Variants in EPS15 observed in about 807,000 individuals in gnomAD.
The protein encoded by EPS15 is epidermal growth factor receptor pathway substrate 15.
Under a neutral mutation model 113.8 loss-of-function variants are expected in EPS15, and 72 were observed. The ratio of observed to expected loss-of-function variants is 0.63; its 90% CI spans 0.52 to 0.77. The LOEUF is 0.77. Ranked by LOEUF, EPS15 falls within the 30% of genes least tolerant of loss-of-function variation. The pLI is 0.00. For synonymous variants in EPS15, 344 were observed against 363.4 expected (o/e 0.95, Z 0.61); for missense variants, 1,048 against 1,045.8 (o/e 1.00, Z -0.03).
At chr1:51,362,109 A>G (rs1254413620) in intron 23 of EPS15, among the ~76,000 whole-genome samples, 2 of 151,368 alleles carry the variant, frequency 1.3e-5, no homozygotes, top group East Asian at 1.9e-4. Context: ...AGGGGTCAAA[A>G]TATCTCCAAA....
chr1:51,428,845 A>G (rs1311217437), intron 12 of EPS15, among the ~76,000 whole-genome samples: 2 of 151,502 alleles, frequency 1.3e-5, no homozygotes, highest in Non-Finnish European at 2.9e-5. Context: ...AAAAAAAAAA[A>G]AAAAGTGAGG....
intron 1 of EPS15, among the ~76,000 whole-genome samples, chr1:51,483,309 T>G (rs1482037252): frequency 1.3e-5 from 2 of 152,170 alleles, no homozygotes; most frequent in Non-Finnish European, 2.9e-5. Flanking sequence ...TTAGTTTTGT[T>G]GTTAATCTTA....
chr1:51,518,765 G>A (rs914586777), intron 1 of EPS15, among the ~76,000 whole-genome samples: 2 of 151,940 alleles, frequency 1.3e-5, no homozygotes, highest in Non-Finnish European at 2.9e-5. Context: ...CCTGGCGGGC[G>A]AGCCTCGTGC....
chr1:51,463,393 TAGG>T (rs1020950247), intron 7 of EPS15: 3 of 213,304 alleles, frequency 1.4e-5, no homozygotes, highest in Admixed American at 5.7e-5. Context: ...CTCAAGCAAA[TAGG>T]AGGTCAAGAG....
At position 51,481,317 on chromosome 1, in the gene EPS15, GAAAT is replaced by G. The variant is rs763710956; in HGVS notation, c.34-7_34-4del. The G allele has an allele frequency of 1.2e-5, 14 of 1,215,860 alleles. 1 individual carries two copies. The highest frequency in any genetic ancestry group is 4.9e-6 in the Non-Finnish European group (4 of 822,808). The allele number at this position is 1,215,860 out of a possible 1,614,324, so 75.3% of individuals were successfully genotyped here. A position where few individuals can be genotyped will look rare whatever the true frequency, so the allele number is the denominator to read the frequency against. On this transcript the variant is annotated splice_region_variant and splice_polypyrimidine_tract_variant and intron_variant, in intron 1 of 24. Coordinates refer to ENST00000371733, the MANE Select transcript of EPS15 (RefSeq NM_001981.3). Reference sequence around the variant, plus strand: ...TATACAGGATTCCCACTTGATAACTGAAATAAACACATTAATAAAAATTAGATGC... The same window carrying G: ...TATACAGGATTCCCACTTGATAACTGAAACACATTAATAAAAATTAGATGC...
intron 1 of EPS15, among the ~76,000 whole-genome samples, chr1:51,492,704 A>C (rs1644256111): frequency 6.6e-6 from 1 of 151,986 alleles, no homozygotes; most frequent in South Asian, 2.1e-4. Flanking sequence ...TAGGCCAAAA[A>C]AACAAACAAA....
chr1:51,498,982 T>C (rs925070005), intron 1 of EPS15, among the ~76,000 whole-genome samples: 2 of 152,210 alleles, frequency 1.3e-5, no homozygotes, highest in Admixed American at 6.5e-5. Context: ...TGCCTTTTTT[T>C]GCCCTTCCTT....
In EPS15 at chr1:51,408,139, C is replaced by G; in HGVS notation, c.1469G>C (p.Ser490Thr). 6.2e-7 allele frequency: 1 copy of G among 1,613,710 alleles called. No individual in the cohort carries two copies. Among genetic ancestry groups the G allele is most frequent in the Non-Finnish European group, 8.5e-7 (1 of 1,179,586 alleles). The stretch of plus-strand genomic sequence containing the variant: ...TCTTGCTTTACAAAGACTTACTGAA[C>G]TAATTTCCTGTTGTGAATCTTGTAG... ...QHLQDSQQEI[S>T]SMQMKLMEMK... Residue 490 changes from serine to threonine, a missense_variant, in exon 15 of 25, where the codon AGT (serine) becomes ACT (threonine). Transcript: ENST00000371733.
chr1:51,441,474 A>C (rs549470836), intron 11 of EPS15, among the ~76,000 whole-genome samples: 1 of 152,230 alleles, frequency 6.6e-6, no homozygotes, highest in Admixed American at 6.5e-5. Context: ...GGAAATGTTA[A>C]AACTGAGGCC....
chr1:51,496,279 C>T (rs1016986794), intron 1 of EPS15, among the ~76,000 whole-genome samples: 1 of 152,130 alleles, frequency 6.6e-6, no homozygotes, highest in South Asian at 2.1e-4. Flanking sequence ...AGGACTTTCA[C>T]TCTTAATCAT....
At position 51,421,835 on chromosome 1, in the gene EPS15, T is replaced by A; in HGVS notation, c.1064A>T (p.Asp355Val). ...AATAGTATCTTCCTTCTCCTTAAGG[T>A]CCTGTTCCACATTATTCTTTTCCCT... ...LQREKNNVEQDLKEKEDTIKQ... is the reference protein window; with the variant it reads ...LQREKNNVEQVLKEKEDTIKQ... Residue 355 changes from aspartate to valine, a missense_variant, in exon 13 of 25, where the codon GAC becomes GTC. Coordinates refer to ENST00000371733, the MANE Select transcript of EPS15 (RefSeq NM_001981.3). 6.2e-7 allele frequency: 1 copy of A among 1,611,124 alleles called. No homozygotes were observed. Among genetic ancestry groups the A allele is most frequent in the Non-Finnish European group, 8.5e-7 (1 of 1,178,216 alleles).
At chr1:51,362,494 A>G (rs752173212) in intron 23 of EPS15, among the ~76,000 whole-genome samples, 1 of 152,194 alleles carries the variant, frequency 6.6e-6, no homozygotes, top group Non-Finnish European at 1.5e-5. Flanking sequence ...TAAAAAAACA[A>G]CCTCACTATT....
intron 19 of EPS15, among the ~76,000 whole-genome samples, chr1:51,400,712 C>CAAAAAAAAAAAAAAAAAAA (rs375748381): frequency 3.2e-4 from 19 of 60,120 alleles, no homozygotes; most frequent in East Asian, 4.9e-4. Flanking sequence ...CAAAAAACAC[C>CAAAAAAAAAAAAAAAAAAA]AAAAAAAAAA....
At chr1:51,407,434 A>C (rs1018337039) in intron 15 of EPS15, among the ~76,000 whole-genome samples, 4 of 152,098 alleles carry the variant, frequency 2.6e-5, no homozygotes, top group African/African-American at 4.8e-5. Context: ...CCCGGCCTCA[A>C]GTGATCCATT....
At chr1:51,473,802 A>T (rs1457127701) in intron 2 of EPS15, among the ~76,000 whole-genome samples, 1 of 152,220 alleles carries the variant, frequency 6.6e-6, no homozygotes, top group Non-Finnish European at 1.5e-5. Flanking sequence ...CATTCTAGAC[A>T]GTCCAATCCT....
chr1:51,452,542 T>G (rs1263650577), intron 8 of EPS15, among the ~76,000 whole-genome samples: 1 of 152,124 alleles, frequency 6.6e-6, no homozygotes, highest in Non-Finnish European at 1.5e-5. Context: ...ACCCAACCCC[T>G]CAATTTATTT....
intron 21 of EPS15, among the ~76,000 whole-genome samples, 163 bp from the exon 22 acceptor site, chr1:51,366,192 T>C (rs1034158249): frequency 2.6e-5 from 4 of 152,030 alleles, no homozygotes; most frequent in Non-Finnish European, 4.4e-5. Flanking sequence ...CTCAGCCTCC[T>C]GAGTAGCTGG....
At chr1:51,405,792 T>C (rs1043728152) in intron 16 of EPS15, 113 bp downstream of exon 16, 17 of 811,888 alleles carry the variant, frequency 2.1e-5, no homozygotes, top group Non-Finnish European at 3.3e-5. Context: ...AAAGGAAATC[T>C]CAATTGTCCT....
At chr1:51,478,356 C>T (rs1391314625) in intron 2 of EPS15, among the ~76,000 whole-genome samples, 1 of 152,238 alleles carries the variant, frequency 6.6e-6, no homozygotes, top group African/African-American at 2.4e-5. Context: ...TGTCTCTGCA[C>T]ATGAGATGGG....
Sources: allele counts gnomAD v4.1 joint callset (sites outside exome capture counted in the v4.1 genomes callset), GRCh38; gene constraint gnomAD v4.1.1; transcripts MANE v1.5; gene names NCBI Gene and HGNC (gene_info 2026-07-23, HGNC 2026-07-21).